EPHA3: variants seen among roughly 807,000 people sequenced by gnomAD.
EPHA3 encodes the protein ephrin type-A receptor 3.
EPHA3 carries 42 observed loss-of-function variants against 107.1 expected under a neutral mutation model. The observed-to-expected ratio is 0.39, with a 90% CI of 0.31 to 0.51. The LOEUF (loss-of-function observed/expected upper bound fraction) is 0.51. Among genes scored for constraint, EPHA3 ranks in the 20% least tolerant of loss-of-function variants. The pLI is 0.78. For missense variants in EPHA3, 1,183 were observed against 1,211.2 expected, an observed-to-expected ratio of 0.98 and a Z score of 0.35; for synonymous variants, 461 against 424.8, an observed-to-expected ratio of 1.09 and a Z score of -1.05.
At chr3:89,364,839 C>T (rs1386298315) in intron 5 of EPHA3, among the ~76,000 whole-genome samples, 1 of 150,874 alleles carries the variant, frequency 6.6e-6, no homozygotes, top group African/African-American at 2.4e-5. Context: ...ACTGAGTTAT[C>T]TTTTCTTCTG....
intron 2 of EPHA3, among the ~76,000 whole-genome samples, chr3:89,175,989 T>A (rs1382401766): frequency 1.3e-5 from 2 of 152,300 alleles, no homozygotes; most frequent in East Asian, 3.9e-4. Context: ...AACTTTGCTT[T>A]TATTTTTTGT....
intron 5 of EPHA3, among the ~76,000 whole-genome samples, chr3:89,355,948 G>A (rs563800199): frequency 2.0e-5 from 3 of 149,092 alleles, no homozygotes; most frequent in Admixed American, 6.8e-5. Context: ...TCTTCATTTA[G>A]CATTAGGTAC....
chr3:89,279,066 T>A (rs770147483), intron 3 of EPHA3, among the ~76,000 whole-genome samples: 3 of 152,214 alleles, frequency 2.0e-5, no homozygotes, highest in Non-Finnish European at 4.4e-5. Context: ...GAAGTGTGGA[T>A]CATTTAAATT....
intron 2 of EPHA3, among the ~76,000 whole-genome samples, chr3:89,189,458 T>C (rs1705650060): frequency 6.6e-6 from 1 of 152,114 alleles, no homozygotes; most frequent in Admixed American, 6.5e-5. Context: ...CTGGGCACGG[T>C]GGCGCGCACC....
In EPHA3 at chr3:89,407,294, C is replaced by T. The variant is rs780623217; in HGVS notation, c.1620C>T (p.Ser540=). 6.2e-7 allele frequency: 1 copy of T among 1,613,442 alleles called. No individual in the cohort carries two copies. The highest frequency in any genetic ancestry group is 1.1e-5 in the South Asian group (1 of 91,068). The change falls in exon 8 of 17, where the codon AGC becomes AGT. Residue 540 remains serine, a synonymous_variant. Transcript: ENST00000336596. ...CTTTCTCCATCTCTGGTGAAAGTAGCCAAGTGGTCATGATCGCCATTTCAG... is the reference window on the plus strand; with the variant it reads ...CTTTCTCCATCTCTGGTGAAAGTAGTCAAGTGGTCATGATCGCCATTTCAG... ...PDSFSISGES[S]QVVMIAISAA...
chr3:89,343,458 A>G (rs1439432112), intron 5 of EPHA3, among the ~76,000 whole-genome samples: 1 of 152,174 alleles, frequency 6.6e-6, no homozygotes, highest in African/African-American at 2.4e-5. Context: ...TGTCAGGTCC[A>G]TCTCCATTCT....
chr3:89,338,358 T>C (rs1206432122), intron 3 of EPHA3, among the ~76,000 whole-genome samples: 4 of 152,236 alleles, frequency 2.6e-5, no homozygotes, highest in African/African-American at 7.2e-5. Flanking sequence ...CTTTCTCAAA[T>C]GGCGCTCCTT....
chr3:89,347,393 G>A (rs1707693300), intron 5 of EPHA3, among the ~76,000 whole-genome samples: 1 of 149,448 alleles, frequency 6.7e-6, no homozygotes, highest in African/African-American at 2.4e-5. Flanking sequence ...GTGAATGGGA[G>A]TTCACTCATG....
At chr3:89,293,760 C>T (rs1401861865) in intron 3 of EPHA3, among the ~76,000 whole-genome samples, 1 of 152,114 alleles carries the variant, frequency 6.6e-6, no homozygotes, top group South Asian at 2.1e-4. Flanking sequence ...TTTCCTGAGG[C>T]CTCCCCAGCC....
intron 3 of EPHA3, among the ~76,000 whole-genome samples, chr3:89,219,349 G>A (rs1212323349): frequency 6.6e-6 from 1 of 151,994 alleles, no homozygotes; most frequent in South Asian, 2.1e-4. Flanking sequence ...TTTTAGTAGA[G>A]ATGGGGTTTC....
chr3:89,372,552 G>T (rs1708328441), intron 5 of EPHA3, among the ~76,000 whole-genome samples: 1 of 151,708 alleles, frequency 6.6e-6, no homozygotes, highest in Non-Finnish European at 1.5e-5. Context: ...GCACTGTCTG[G>T]ATGTTGGTTT....
At chr3:89,371,920 T>C (rs917648212) in intron 5 of EPHA3, among the ~76,000 whole-genome samples, 19 of 151,612 alleles carry the variant, frequency 1.3e-4, no homozygotes, top group African/African-American at 4.4e-4. Flanking sequence ...TGGAGTGGGC[T>C]TTACTCTCAA....
At chr3:89,409,544 T>C (rs1478413629) in intron 9 of EPHA3, among the ~76,000 whole-genome samples, 1 of 152,084 alleles carries the variant, frequency 6.6e-6, no homozygotes, top group Non-Finnish European at 1.5e-5. Flanking sequence ...CAGTCTGTTT[T>C]GCTATTGTTT....
intron 10 of EPHA3, 149 bp from the exon 11 acceptor site, chr3:89,419,056 A>G (rs1286163750): frequency 1.2e-5 from 8 of 673,226 alleles, no homozygotes; most frequent in Non-Finnish European, 1.1e-5. Flanking sequence ...ATTATCTTTC[A>G]AAATAATTTG....
At chr3:89,119,993 T>G (rs968691756) in intron 1 of EPHA3, among the ~76,000 whole-genome samples, 1 of 152,168 alleles carries the variant, frequency 6.6e-6, no homozygotes, top group Admixed American at 6.6e-5. Flanking sequence ...AGTCAAACTC[T>G]GGCTGAACAG....
chr3:89,270,581 TATTGAGTGTTTCTTTTCATTGATGTTC>T (rs1220812081), intron 3 of EPHA3, among the ~76,000 whole-genome samples: 1 of 152,140 alleles, frequency 6.6e-6, no homozygotes, highest in Non-Finnish European at 1.5e-5. Flanking sequence ...TGACCTCTCT[TATTGAGTGTTTCTTTTCATTGATGTTC>T]ATAAAACTTA....
At chr3:89,405,322 A>G (rs1398090622) in intron 7 of EPHA3, among the ~76,000 whole-genome samples, 1 of 152,144 alleles carries the variant, frequency 6.6e-6, no homozygotes, top group Non-Finnish European at 1.5e-5. Flanking sequence ...AGTACTGTTA[A>G]GTCACTAAGG....
intron 3 of EPHA3, among the ~76,000 whole-genome samples, chr3:89,323,553 C>T (rs1323631496): frequency 6.6e-6 from 1 of 152,002 alleles, no homozygotes; most frequent in Non-Finnish European, 1.5e-5. Context: ...ATAATTTTTT[C>T]TTTTCTATTT....
At chr3:89,278,098 G>T (rs1468347066) in intron 3 of EPHA3, among the ~76,000 whole-genome samples, 2 of 152,152 alleles carry the variant, frequency 1.3e-5, no homozygotes, top group Admixed American at 1.3e-4. Context: ...TAATTCCCCA[G>T]CAGTCCTTTA....
Sources: allele counts gnomAD v4.1 joint callset (sites outside exome capture counted in the v4.1 genomes callset), GRCh38; gene constraint gnomAD v4.1.1; transcripts MANE v1.5; gene names NCBI Gene and HGNC (gene_info 2026-07-23, HGNC 2026-07-21).